The following PMM1 variants were observed in gnomAD, a reference collection of about 807,000 sequenced individuals.
PMM1 encodes the protein brain glucose-1,6-bisphosphatase.
Under a neutral mutation model 34.0 loss-of-function variants are expected in PMM1, and 25 were observed. The observed-to-expected ratio is 0.73, with a 90% CI of 0.54 to 1.03. PMM1 has a LOEUF of 1.03. Among genes scored for constraint, PMM1 ranks in the 50% least tolerant of loss-of-function variants. The pLI is 0.00. For synonymous variants in PMM1, 134 were observed against 143.9 expected (o/e 0.93, Z 0.49); for missense variants, 321 against 350.1 (o/e 0.92, Z 0.66).
intron 5 of PMM1, among the ~76,000 whole-genome samples, chr22:41,583,684 T>A (rs960278547): frequency 6.6e-6 from 1 of 151,964 alleles, no homozygotes; most frequent in Non-Finnish European, 1.5e-5. Context: ...ATAAGAGTTG[T>A]TGGACCCGAT....
intron 1 of PMM1, among the ~76,000 whole-genome samples, chr22:41,587,427 T>A (rs1278119843): frequency 8.0e-6 from 1 of 124,684 alleles, no homozygotes. Flanking sequence ...GGGACAAGAA[T>A]GAGATTTCAT....
intron 2 of PMM1, among the ~76,000 whole-genome samples, chr22:41,585,617 G>A (rs1363231896): frequency 1.2e-4 from 19 of 152,052 alleles, no homozygotes; most frequent in Middle Eastern, 3.4e-3. Context: ...TCAGCCTCCC[G>A]AGTAGCTGGG....
intron 5 of PMM1, among the ~76,000 whole-genome samples, chr22:41,580,853 A>G (rs1478876813): frequency 6.6e-6 from 1 of 152,152 alleles, no homozygotes; most frequent in Non-Finnish European, 1.5e-5. Context: ...GCGGTGGCTC[A>G]TGCCCGTAAT....
chr22:41,578,006 T>C (rs2067194443), intron 6 of PMM1, 83 bp from the exon 7 acceptor site: 2 of 1,019,406 alleles, frequency 2.0e-6, no homozygotes, highest in Non-Finnish European at 3.1e-6. Context: ...CATTCATTCA[T>C]TCAACAACCC....
At chr22:41,584,156 G>A (rs1305620857) in intron 4 of PMM1, 98 bp from the exon 5 acceptor site, 6 of 1,297,242 alleles carry the variant, frequency 4.6e-6, no homozygotes, top group Admixed American at 1.7e-5. Flanking sequence ...GACTTCAAAG[G>A]GGACAAGAAT....
rs1341133264 is a variant in PMM1, at chr22:41,577,008, G to A, written c.*310C>T. The A allele has an allele frequency of 2.3e-5, 10 of 435,544 alleles. No homozygotes were observed. Among genetic ancestry groups the A allele is most frequent in the South Asian group, 6.3e-5 (3 of 47,388 alleles). The allele number at this position is 435,544 out of a possible 1,614,324, so 27.0% of individuals were successfully genotyped here. A position where few individuals can be genotyped will look rare whatever the true frequency, so the allele number is the denominator to read the frequency against. ...GGCAGGGCAGGCTAGATCTCGTACC[G>A]ATACTTGAGCACGCCTCCTCCTGGT... On this transcript the variant is annotated 3_prime_UTR_variant, in exon 8 of 8. Transcript: ENST00000216259.
intron 2 of PMM1, among the ~76,000 whole-genome samples, chr22:41,585,648 C>G (rs181051982): frequency 9.5e-4 from 144 of 152,076 alleles, no homozygotes; most frequent in African/African-American, 3.3e-3. Context: ...CGTGCCAACA[C>G]ACCCAGCTAA....
rs555186428 is a variant in PMM1 at position 41,584,465 on chromosome 22, C to T, written c.282+62G>A. 5.1e-6 allele frequency: 8 copies of T among 1,572,090 alleles called. No individual in the cohort carries two copies. In the East Asian group the frequency reaches 1.6e-4, roughly 31 times the overall value. ...CTCCCCCAGCCCAGGACAGAAGCCC[C>T]CTTGGACTGCTCCACTATGGAAAAG... On this transcript the variant is annotated intron_variant, in intron 3 of 7. Transcript: ENST00000216259.
In PMM1 at chr22:41,577,007, C is replaced by G. The variant is rs954339683; in HGVS notation, c.*311G>C. ...AGGCAGGGCAGGCTAGATCTCGTAC[C>G]GATACTTGAGCACGCCTCCTCCTGG... is the stretch of plus-strand genomic sequence containing the variant. On this transcript the variant is annotated 3_prime_UTR_variant, in exon 8 of 8. Coordinates refer to ENST00000216259, the MANE Select transcript of PMM1 (RefSeq NM_002676.3). 16 of 434,190 alleles carry G rather than the reference C, an allele frequency of 3.7e-5. No homozygotes were observed. Among genetic ancestry groups the G allele is most frequent in the South Asian group, 1.9e-4 (9 of 47,430 alleles). 26.9% of individuals were successfully genotyped at this position (434,190 alleles called of 1,614,324 possible).
At chr22:41,585,463 TTTTATTTA>T (rs370814183) in intron 2 of PMM1, 27,186 of 147,936 alleles carry the variant, frequency 0.18, 3,140 homozygotes, top group Admixed American at 0.35. Flanking sequence ...GGTTCTGCCC[TTTTATTTA>T]TTTATTTATT....
Position 41,578,868 on chromosome 22 carries a change from C to A in PMM1, c.488G>T (p.Arg163Leu). ...TTTCAGGGCTTCCACGAACTTCTCC[C>A]GGATCTTCTCTTTCTGCAGAGGGGA... Reference protein sequence around the residue: ...FSELDKKEKIREKFVEALKTE... With the variant: ...FSELDKKEKILEKFVEALKTE... The change falls in exon 6 of 8, where the codon CGG (arginine) becomes CTG (leucine). Residue 163 changes from arginine (R) to leucine (L), a missense_variant. Arg to Leu is a moderately radical substitution (Grantham distance 102). Coordinates refer to ENST00000216259, the MANE Select transcript of PMM1 (RefSeq NM_002676.3). 1 of 1,613,916 alleles carries A rather than the reference C, an allele frequency of 6.2e-7. No individual in the cohort carries two copies. The highest frequency in any genetic ancestry group is 1.1e-5 in the South Asian group (1 of 91,060).
chr22:41,579,368 C>T (rs1331044711), intron 5 of PMM1: 2 of 163,628 alleles, frequency 1.2e-5, no homozygotes, highest in Admixed American at 5.8e-5. Flanking sequence ...CATGCAAAGA[C>T]GCGGCTGGGC....
intron 3 of PMM1, 39 bp from the exon 4 acceptor site, chr22:41,584,411 T>C (rs752221574): frequency 4.4e-6 from 7 of 1,597,632 alleles, no homozygotes; most frequent in Non-Finnish European, 6.0e-6. Flanking sequence ...TGGCCTGGGC[T>C]GCCTGACCCT....
In PMM1 at chr22:41,584,345, G is replaced by T. The variant is rs201868670; in HGVS notation, c.310C>A (p.Leu104Met). The part of the protein sequence containing the change: ...QTIQNHLGEE[L>M]LQDLINFCLS... ...CAGAAGTTGATCAAGTCCTGCAGCA[G>T]CTCCTCCCCCAGGTGGTTCTGGATG... is the stretch of plus-strand genomic sequence containing the variant. Residue 104 changes from leucine to methionine, a missense_variant, in exon 4 of 8, where the codon CTG (leucine) becomes ATG (methionine). By Grantham distance (15) the Leu-to-Met change is conservative. Coordinates refer to ENST00000216259, the MANE Select transcript of PMM1 (RefSeq NM_002676.3). 1.9e-6 allele frequency: 3 copies of T among 1,614,132 alleles called. No homozygotes were observed. In the East Asian group the frequency reaches 6.7e-5, roughly 36 times the overall value.
intron 5 of PMM1, among the ~76,000 whole-genome samples, chr22:41,581,075 A>G (rs373294711): frequency 2.8e-5 from 4 of 143,026 alleles, no homozygotes; most frequent in African/African-American, 7.7e-5. Flanking sequence ...AGATCTCACC[A>G]CTGCACTCCA....
Position 41,584,542 on chromosome 22 carries a change from T to C in PMM1, c.267A>G (p.Arg89=), listed in dbSNP as rs777030449. The C allele has an allele frequency of 6.2e-6, 10 of 1,613,722 alleles. No individual in the cohort carries two copies. In the East Asian group the frequency reaches 1.1e-4, roughly 18 times the overall value. The stretch of plus-strand genomic sequence containing the variant: ...GGACACTGACCTGCTTGGAGAGCAG[T>C]CGTCCGTGCTTATACTGCACCGTCC... ...ENGTVQYKHG[R]LLSKQTIQNH... Residue 89 remains arginine (R), a synonymous_variant, in exon 3 of 8, where the codon CGA becomes CGG. Transcript: ENST00000216259.
Position 41,586,199 on chromosome 22 carries a change from G to C in PMM1, c.88-6C>G, listed in dbSNP as rs778969407. 35 of 1,606,316 alleles carry C rather than the reference G, an allele frequency of 2.2e-5. No individual in the cohort carries two copies. In the Middle Eastern group the frequency reaches 6.6e-4, roughly 30 times the overall value. ...GCCACCTCAGGGTCAATTTTCTATG[G>C]GGGGAGAGGGGAAGCATAGCATTCT... On this transcript the variant is annotated splice_polypyrimidine_tract_variant and splice_region_variant and intron_variant, in intron 1 of 7. Coordinates refer to ENST00000216259, the MANE Select transcript of PMM1 (RefSeq NM_002676.3).
At chr22:41,580,821 A>G (rs1385767896) in intron 5 of PMM1, 2 of 152,208 alleles carry the variant, frequency 1.3e-5, no homozygotes, top group Non-Finnish European at 2.9e-5. Flanking sequence ...CCCTACTAAA[A>G]AATACAAAAA....
intron 6 of PMM1, among the ~76,000 whole-genome samples, chr22:41,578,287 C>G (rs1256902126): frequency 6.6e-6 from 1 of 152,074 alleles, no homozygotes; most frequent in Non-Finnish European, 1.5e-5. Context: ...AGGGGGAGGA[C>G]GGGCAGGCCC....
Sources: allele counts gnomAD v4.1 joint callset (sites outside exome capture counted in the v4.1 genomes callset), GRCh38; gene constraint gnomAD v4.1.1; transcripts MANE v1.5; gene names NCBI Gene and HGNC (gene_info 2026-07-23, HGNC 2026-07-21).